The following BCAS1 variants were observed in gnomAD, a reference collection of about 807,000 sequenced individuals.
The protein encoded by BCAS1 is breast carcinoma-amplified sequence 1.
Under a neutral mutation model 65.4 loss-of-function variants are expected in BCAS1, and 46 were observed. That is an observed-to-expected ratio of 0.70 (90% confidence interval 0.55 to 0.90). BCAS1 has a LOEUF of 0.90. Ranked by LOEUF, BCAS1 falls within the 40% of genes least tolerant of loss-of-function variation. The pLI, the probability that BCAS1 is intolerant of heterozygous loss-of-function variation, is 0.00. For missense variants in BCAS1, 793 were observed against 771.2 expected (o/e 1.03, Z -0.33); for synonymous variants, 298 against 293.5 (o/e 1.02, Z -0.16).
At chr20:54,019,525 T>A (rs1398287820) in intron 4 of BCAS1, among the ~76,000 whole-genome samples, 1 of 152,208 alleles carries the variant, frequency 6.6e-6, no homozygotes, top group Admixed American at 6.5e-5. Context: ...CTTGATTGGA[T>A]TGAAGGATGC....
chr20:54,058,894 C>A (rs965475572), intron 1 of BCAS1, among the ~76,000 whole-genome samples, 171 bp from the exon 2 acceptor site: 1 of 152,088 alleles, frequency 6.6e-6, no homozygotes, highest in Admixed American at 6.6e-5. Context: ...GAAGAAATAC[C>A]CGAGACTGGG....
intron 8 of BCAS1, among the ~76,000 whole-genome samples, chr20:53,978,593 T>A (rs934047872): frequency 1.3e-5 from 2 of 152,210 alleles, no homozygotes; most frequent in Non-Finnish European, 2.9e-5. Flanking sequence ...AGGAGATAAA[T>A]GCACTATGTA....
intron 4 of BCAS1, among the ~76,000 whole-genome samples, chr20:54,004,362 T>C (rs1314962712): frequency 1.3e-5 from 2 of 152,210 alleles, no homozygotes; most frequent in Non-Finnish European, 2.9e-5. Flanking sequence ...CTGTTGTTTA[T>C]AAGCCATCCA....
chr20:54,006,078 A>C (rs550505873), intron 4 of BCAS1, among the ~76,000 whole-genome samples: 1 of 152,232 alleles, frequency 6.6e-6, no homozygotes, highest in African/African-American at 2.4e-5. Flanking sequence ...GCACAGGGCA[A>C]AGGGGCTAAA....
intron 2 of BCAS1, 136 bp downstream of exon 2, chr20:54,058,511 T>G: frequency 1.4e-6 from 2 of 1,443,088 alleles, no homozygotes; most frequent in Non-Finnish European, 1.8e-6. Flanking sequence ...TAGGTTATCC[T>G]CGCTCCACTG....
chr20:53,968,357 G>A (rs1346023944), intron 9 of BCAS1, among the ~76,000 whole-genome samples: 1 of 152,106 alleles, frequency 6.6e-6, no homozygotes, highest in Non-Finnish European at 1.5e-5. Flanking sequence ...CAGACCCCTA[G>A]CTTCTTGGAG....
At chr20:53,981,809 T>C (rs904326656) in intron 8 of BCAS1, among the ~76,000 whole-genome samples, 5 of 122,658 alleles carry the variant, frequency 4.1e-5, no homozygotes, top group African/African-American at 1.6e-4. Flanking sequence ...TAATTACAAA[T>C]ACATGTGCGT....
chr20:54,038,633 T>C (rs774855525), intron 3 of BCAS1, among the ~76,000 whole-genome samples: 5 of 151,392 alleles, frequency 3.3e-5, no homozygotes, highest in Admixed American at 6.6e-5. Flanking sequence ...TTTCTGACAA[T>C]ACATTATCCA....
At chr20:54,031,987 C>T (rs1483696460) in intron 3 of BCAS1, among the ~76,000 whole-genome samples, 2 of 151,072 alleles carry the variant, frequency 1.3e-5, no homozygotes, top group Middle Eastern at 3.4e-3. Context: ...TGCAGAGAAC[C>T]CCAGTAAGAT....
intron 3 of BCAS1, among the ~76,000 whole-genome samples, chr20:54,054,317 G>T (rs1271310833): frequency 6.6e-6 from 1 of 152,072 alleles, no homozygotes; most frequent in African/African-American, 2.4e-5. Flanking sequence ...TAGATAAAAA[G>T]AAACCAAACA....
intron 3 of BCAS1, among the ~76,000 whole-genome samples, chr20:54,052,864 C>T (rs1184917779): frequency 1.3e-5 from 2 of 152,188 alleles, no homozygotes; most frequent in South Asian, 2.1e-4. Flanking sequence ...AAACAGATTA[C>T]GAGACCATTG....
chr20:53,970,845 G>T (rs777867694), intron 9 of BCAS1, among the ~76,000 whole-genome samples: 1 of 151,982 alleles, frequency 6.6e-6, no homozygotes, highest in East Asian at 1.9e-4. Context: ...AACATTAAAG[G>T]TTTTTATTTT....
intron 8 of BCAS1, among the ~76,000 whole-genome samples, chr20:53,977,207 A>G (rs541183439): frequency 1.9e-4 from 29 of 152,326 alleles, no homozygotes; most frequent in Non-Finnish European, 3.2e-4. Context: ...ATCACCTCCT[A>G]TCAGGTCCCT....
chr20:54,015,528 AG>A (rs2091418578), intron 4 of BCAS1, among the ~76,000 whole-genome samples: 1 of 152,166 alleles, frequency 6.6e-6, no homozygotes, highest in Non-Finnish European at 1.5e-5. Context: ...TGGCAAAAAC[AG>A]GGAAAGAACA....
Position 53,995,998 on chromosome 20 carries a change from C to T in BCAS1, c.776G>A (p.Cys259Tyr). ...KEGQELGTAD[C>Y]SVPGDPEGLE... The stretch of plus-strand genomic sequence containing the variant: ...TCCTTCTGGGTCCCCAGGGACAGAG[C>T]AATCCGCAGTTCCAAGTTCTTGTCC... Residue 259 changes from cysteine to tyrosine, a missense_variant, in exon 5 of 13, where the codon TGC becomes TAC. Transcript: ENST00000688948. 1.9e-6 allele frequency: 3 copies of T among 1,612,372 alleles called. No individual in the cohort carries two copies. Among genetic ancestry groups the T allele is most frequent in the Non-Finnish European group, 2.5e-6 (3 of 1,179,020 alleles).
intron 11 of BCAS1, among the ~76,000 whole-genome samples, chr20:53,956,683 A>G (rs1328626604): frequency 6.6e-6 from 1 of 151,258 alleles, no homozygotes; most frequent in Admixed American, 6.6e-5. Context: ...AAAGTGGCTG[A>G]GCCAGGATTT....
Position 54,016,878 on chromosome 20 carries a change from T to C in BCAS1, c.723+11514A>G, listed in dbSNP as rs116143414. Among the ~76,000 whole-genome samples the C allele has an allele frequency of 3.0e-3, 451 of 152,254 alleles. 2 individuals carry two copies. The highest frequency in any genetic ancestry group is 0.01 in the African/African-American group (432 of 41,556). On this transcript the variant is annotated intron_variant, in intron 4 of 12. Transcript: ENST00000688948. Reference sequence around the variant, plus strand: ...CTTATACTAATTGAACCAAGCCGGGTTGGACCAATTATCCAGTGTGATACT... The same window carrying C: ...CTTATACTAATTGAACCAAGCCGGGCTGGACCAATTATCCAGTGTGATACT...
chr20:54,044,837 CA>C (rs74179262), intron 3 of BCAS1, among the ~76,000 whole-genome samples: 48 of 132,676 alleles, frequency 3.6e-4, no homozygotes, highest in African/African-American at 4.7e-4. Context: ...GACTCTGTCT[CA>C]AAAAAAAAAA....
At chr20:54,037,279 G>C (rs2091915742) in intron 3 of BCAS1, among the ~76,000 whole-genome samples, 1 of 151,356 alleles carries the variant, frequency 6.6e-6, no homozygotes, top group Admixed American at 6.6e-5. Flanking sequence ...AGAAAGAAGT[G>C]CCAAATGAAC....
Sources: gnomAD v4.1 joint callset for allele counts (sites outside exome capture counted in the v4.1 genomes callset) on GRCh38, gnomAD v4.1.1 for gene constraint, MANE v1.5 for transcripts, NCBI Gene and HGNC (gene_info 2026-07-23, HGNC 2026-07-21) for gene names.